The following XPO1 variants were observed in gnomAD, a reference collection of about 807,000 sequenced individuals.
The protein encoded by XPO1 is exportin 1.
A neutral mutation model predicts 133.3 loss-of-function variants in XPO1; 5 were observed. That is an observed-to-expected ratio of 0.04 (90% confidence interval 0.02 to 0.08). The LOEUF is 0.08. Ranked by LOEUF, XPO1 falls within the 10% of genes least tolerant of loss-of-function variation. The pLI is 1.00. For missense variants in XPO1, 506 were observed against 1,267.5 expected (o/e 0.40, Z 9.12); for synonymous variants, 419 against 408.2 (o/e 1.03, Z -0.32).
Position 61,526,525 on chromosome 2 carries a change from A to C in XPO1, c.127-4T>G. The C allele has an allele frequency of 6.5e-7, 1 of 1,549,928 alleles. No homozygotes were observed. Among genetic ancestry groups the C allele is most frequent in the Non-Finnish European group, 8.6e-7 (1 of 1,157,238 alleles). On this transcript the variant is annotated splice_polypyrimidine_tract_variant and splice_region_variant and intron_variant, in intron 2 of 24. Transcript: ENST00000401558. ...GTACTTCTTGAGCCATTCTTTGCTA[A>C]AATATTATTAAAAAAAACAAAACTT...
At chr2:61,499,985 G>A (rs1348563561) in intron 6 of XPO1, 91 bp from the exon 7 acceptor site, 3 of 1,256,108 alleles carry the variant, frequency 2.4e-6, no homozygotes, top group African/African-American at 1.5e-5. Flanking sequence ...ATAAAGGCAG[G>A]AGTAAGGATA....
At chr2:61,495,813 G>T (rs147833113) in intron 10 of XPO1, among the ~76,000 whole-genome samples, 200 bp from the exon 11 acceptor site, 1 of 151,956 alleles carries the variant, frequency 6.6e-6, no homozygotes, top group Admixed American at 6.6e-5. Context: ...GGAACCACAG[G>T]TATGTGCCAT....
chr2:61,514,601 A>AG (rs1337927084), intron 4 of XPO1, among the ~76,000 whole-genome samples: 2 of 151,570 alleles, frequency 1.3e-5, no homozygotes, highest in East Asian at 3.9e-4. Flanking sequence ...TTTAAAAAAA[A>AG]AAAAAAAAAA....
At chr2:61,486,173 T>C (rs1034498759) in intron 19 of XPO1, among the ~76,000 whole-genome samples, 1 of 151,898 alleles carries the variant, frequency 6.6e-6, no homozygotes, top group East Asian at 1.9e-4. Flanking sequence ...ATGGACACAC[T>C]GTCATTCAAG....
Position 61,488,189 on chromosome 2 carries a change from C to A in XPO1, c.2289G>T (p.Val763=). Reference sequence around the variant, plus strand: ...CCATCTGTGGATCATTGGATCGGCTCACCCAACCAGATATTAACTTTAAAG... The same window carrying A: ...CCATCTGTGGATCATTGGATCGGCTAACCCAACCAGATATTAACTTTAAAG... ...RETLKLISGW[V]SRSNDPQMVA... The change falls in exon 19 of 25, where the codon GTG becomes GTT. Residue 763 remains valine, a synonymous_variant. Coordinates refer to ENST00000401558, the MANE Select transcript of XPO1 (RefSeq NM_003400.4). 6.2e-7 allele frequency: 1 copy of A among 1,613,980 alleles called. No individual in the cohort carries two copies. The highest frequency in any genetic ancestry group is 1.3e-5 in the African/African-American group (1 of 75,014).
intron 4 of XPO1, among the ~76,000 whole-genome samples, chr2:61,506,058 T>C (rs1162583990): frequency 2.0e-5 from 3 of 152,182 alleles, no homozygotes; most frequent in African/African-American, 7.2e-5. Context: ...AGTACCATTG[T>C]TCATTCCCCA....
In XPO1 at chr2:61,524,663, C is replaced by T. The variant is rs1377523828; in HGVS notation, c.228+1757G>A. Among the ~76,000 whole-genome samples, 4 of 152,354 alleles carry T rather than the reference C, an allele frequency of 2.6e-5. No individual in the cohort carries two copies. The East Asian group carries it at 5.8e-4, about 22-fold the overall frequency. On this transcript the variant is annotated intron_variant, in intron 3 of 24. Coordinates refer to ENST00000401558, the MANE Select transcript of XPO1 (RefSeq NM_003400.4). ...ATTTGGGGCCAGGCAAAGTGGCCCT[C>T]GCCTGTAATCCCAACATTTTGGGGA...
Position 61,483,054 on chromosome 2 carries a change from T to C in XPO1, c.2715A>G (p.Ala905=). Residue 905 remains alanine, a synonymous_variant, in exon 22 of 25, where the codon GCA becomes GCG. Coordinates refer to ENST00000401558, the MANE Select transcript of XPO1 (RefSeq NM_003400.4). ...QILFTLLQNV[A]QEEAAAQSFY... ...AACTCTGAGCTGCAGCTTCTTCTTG[T>C]GCAACATTTTGTAAGAGTGTAAAAA... The C allele has an allele frequency of 6.2e-7, 1 of 1,613,550 alleles. No homozygotes were observed. The highest frequency in any genetic ancestry group is 1.3e-5 in the African/African-American group (1 of 75,032).
At chr2:61,532,921 T>C (rs1431415518) in intron 2 of XPO1, among the ~76,000 whole-genome samples, 1 of 152,086 alleles carries the variant, frequency 6.6e-6, no homozygotes, top group Admixed American at 6.6e-5. Context: ...CTCATGCCTG[T>C]AATCCCAGCA....
intron 4 of XPO1, among the ~76,000 whole-genome samples, chr2:61,518,011 T>C (rs1339851389): frequency 1.3e-5 from 2 of 151,876 alleles, no homozygotes; most frequent in Admixed American, 1.3e-4. Context: ...GCATCTGTAA[T>C]CCCAGCTACT....
At chr2:61,512,801 G>A (rs1380042214) in intron 4 of XPO1, among the ~76,000 whole-genome samples, 1 of 152,168 alleles carries the variant, frequency 6.6e-6, no homozygotes, top group Non-Finnish European at 1.5e-5. Flanking sequence ...AGCACTTTGG[G>A]AGGCTGAGAC....
chr2:61,535,050 A>T (rs1198039406), intron 1 of XPO1, among the ~76,000 whole-genome samples: 3 of 152,232 alleles, frequency 2.0e-5, no homozygotes, highest in African/African-American at 7.2e-5. Context: ...AAAATGAGCT[A>T]CTTCGCCTAA....
At chr2:61,523,799 A>C (rs532785566) in intron 3 of XPO1, among the ~76,000 whole-genome samples, 1 of 152,334 alleles carries the variant, frequency 6.6e-6, no homozygotes, top group African/African-American at 2.4e-5. Flanking sequence ...GTGCTCAAAC[A>C]GTGAATGTTT....
At chr2:61,536,685 A>G (rs1188658668) in intron 1 of XPO1, 1 of 152,116 alleles carries the variant, frequency 6.6e-6, no homozygotes, top group Non-Finnish European at 1.5e-5. Flanking sequence ...CCTTCTAACT[A>G]TAGCACACAG....
At chr2:61,499,484 CA>C (rs1423506293) in intron 7 of XPO1, among the ~76,000 whole-genome samples, 1 of 152,140 alleles carries the variant, frequency 6.6e-6, no homozygotes, top group African/African-American at 2.4e-5. Context: ...AACTAGTTAC[CA>C]TACAAAACAA....
intron 2 of XPO1, among the ~76,000 whole-genome samples, chr2:61,527,833 T>A (rs558184002): frequency 6.6e-6 from 1 of 152,100 alleles, no homozygotes; most frequent in South Asian, 2.1e-4. Flanking sequence ...CTTGTGCTTG[T>A]ATCAGATTTT....
At position 61,478,279 on chromosome 2, in the gene XPO1, G is replaced by C. The variant is rs1696157985; in HGVS notation, c.*541C>G. 2 of 233,798 alleles carry C rather than the reference G, an allele frequency of 8.6e-6. No homozygotes were observed. The highest frequency in any genetic ancestry group is 1.2e-4 in the East Asian group (2 of 16,690). The allele number at this position is 233,798 out of a possible 1,614,324, so 14.5% of individuals were successfully genotyped here. On this transcript the variant is annotated 3_prime_UTR_variant, in exon 25 of 25. Transcript: ENST00000401558. Reference sequence around the variant, plus strand: ...CTTTACAATGGGATGATATGCACATGATCTTGCTGCAATCTTGCCAAAGAG... The same window carrying C: ...CTTTACAATGGGATGATATGCACATCATCTTGCTGCAATCTTGCCAAAGAG...
At chr2:61,525,846 TAGTA>T (rs1698886471) in intron 3 of XPO1, 3 of 1,043,736 alleles carry the variant, frequency 2.9e-6, no homozygotes, top group Non-Finnish European at 2.3e-6. Context: ...CAGAATGCCA[TAGTA>T]TTTATTACTT....
At position 61,492,110 on chromosome 2, in the gene XPO1, A is replaced by C. The variant is rs1474641943; in HGVS notation, c.1812T>G (p.Val604=). The change falls in exon 16 of 25, where the codon GTT becomes GTG. Residue 604 remains valine, a synonymous_variant. Coordinates refer to ENST00000401558, the MANE Select transcript of XPO1 (RefSeq NM_003400.4). The surrounding 1 kb of genome is among the most constrained non-coding windows in gnomAD (Gnocchi z 5.6). ...CATCAATAAATGGCATCACTTCTCCAACCTGAACCTGAACGAAATGCCTGC... is the reference window on the plus strand; with the variant it reads ...CATCAATAAATGGCATCACTTCTCCCACCTGAACCTGAACGAAATGCCTGC... The part of the protein sequence containing the change: ...KCRRHFVQVQ[V]GEVMPFIDEI... 1.9e-6 allele frequency: 3 copies of C among 1,614,218 alleles called. No individual in the cohort carries two copies. In the East Asian group the frequency reaches 6.7e-5, roughly 36 times the overall value.
Sources: gnomAD v4.1 joint callset for allele counts (sites outside exome capture counted in the v4.1 genomes callset) on GRCh38, gnomAD v4.1.1 for gene constraint, Gnocchi (gnomAD v3.1) non-coding constraint, MANE v1.5 for transcripts, NCBI Gene and HGNC (gene_info 2026-07-23, HGNC 2026-07-21) for gene names.